PRMT8: variants seen among roughly 807,000 people sequenced by gnomAD.
PRMT8 encodes the protein protein arginine methyltransferase 8.
A neutral mutation model predicts 47.1 loss-of-function variants in PRMT8; 7 were observed. The ratio of observed to expected loss-of-function variants is 0.15; its 90% confidence interval spans 0.08 to 0.28. The LOEUF is 0.28. PRMT8 is among the 10% of genes least tolerant of loss of function. The pLI, the probability that PRMT8 is intolerant of heterozygous loss-of-function variation, is 1.00. For synonymous variants in PRMT8, 188 were observed against 186.5 expected (o/e 1.01, Z -0.07); for missense variants, 237 against 505.4 (o/e 0.47, Z 5.09).
At chr12:3,495,843 G>A (rs1219352689) in intron 1 of PRMT8, among the ~76,000 whole-genome samples, 1 of 152,160 alleles carries the variant, frequency 6.6e-6, no homozygotes, top group East Asian at 1.9e-4. Context: ...CTTAGTTGCT[G>A]TGAACCTTTG....
chr12:3,573,466 A>G (rs779699836), intron 6 of PRMT8, among the ~76,000 whole-genome samples: 1 of 152,202 alleles, frequency 6.6e-6, no homozygotes, highest in Non-Finnish European at 1.5e-5. Context: ...ACATCTGAGC[A>G]TCTCTAAATT....
At chr12:3,526,368 A>G (rs963779849) in intron 1 of PRMT8, among the ~76,000 whole-genome samples, 1 of 152,162 alleles carries the variant, frequency 6.6e-6, no homozygotes, top group East Asian at 1.9e-4. Context: ...AATTATTTTG[A>G]GTATATATCT....
chr12:3,577,104 GC>G, intron 7 of PRMT8, 118 bp downstream of exon 7: 1 of 814,766 alleles, frequency 1.2e-6, no homozygotes, highest in Non-Finnish European at 2.0e-6. Flanking sequence ...GGCTGCCTTG[GC>G]CAGAGCCTGT....
chr12:3,478,126 G>A (rs1865233432), intron 1 of PRMT8, among the ~76,000 whole-genome samples: 1 of 152,178 alleles, frequency 6.6e-6, no homozygotes, highest in East Asian at 1.9e-4. Context: ...GGACTTTGAG[G>A]ACAGGACAGG....
At chr12:3,534,488 G>C (rs904253840) in intron 1 of PRMT8, among the ~76,000 whole-genome samples, 2 of 152,120 alleles carry the variant, frequency 1.3e-5, no homozygotes, top group African/African-American at 4.8e-5. Context: ...TTCTCTTGGA[G>C]GTTCCAGTTC....
chr12:3,589,892 G>A (rs368177067), intron 8 of PRMT8, among the ~76,000 whole-genome samples: 1 of 152,202 alleles, frequency 6.6e-6, no homozygotes. Flanking sequence ...TTTGCCTGAA[G>A]GTCTTTAGGA....
At chr12:3,383,859 A>G (rs1864116410) in intron 1 of PRMT8, among the ~76,000 whole-genome samples, 1 of 152,066 alleles carries the variant, frequency 6.6e-6, no homozygotes, top group Non-Finnish European at 1.5e-5. Context: ...TGTATTTTTA[A>G]TTTTTGTGTC....
intron 1 of PRMT8, among the ~76,000 whole-genome samples, chr12:3,397,723 C>G (rs1299378995): frequency 6.6e-6 from 1 of 152,090 alleles, no homozygotes; most frequent in Non-Finnish European, 1.5e-5. Flanking sequence ...CCTCCTTGAG[C>G]TGTGGTGGGC....
intron 1 of PRMT8, among the ~76,000 whole-genome samples, chr12:3,418,604 A>C (rs1378269697): frequency 1.3e-5 from 2 of 152,212 alleles, no homozygotes; most frequent in Non-Finnish European, 2.9e-5. Context: ...TTGTGGCTTC[A>C]GGCCCACTCC....
At chr12:3,463,188 C>T (rs1252062157) in intron 1 of PRMT8, 5 of 152,110 alleles carry the variant, frequency 3.3e-5, no homozygotes, top group Non-Finnish European at 7.4e-5. Context: ...AGTAATTTGC[C>T]CGAGTCTCAC....
In PRMT8 at chr12:3,555,268, G is replaced by A. The variant is rs527992460; in HGVS notation, c.481+1554G>A. On this transcript the variant is annotated intron_variant, in intron 4 of 9. Transcript: ENST00000382622. ...TTGCAGATCACAAAGTCAGCTGACA[G>A]GACGGAGAGAGACCCCATGGCTGCG... Among the ~76,000 whole-genome samples the A allele has an allele frequency of 3.3e-5, 5 of 152,378 alleles. No individual in the cohort carries two copies. In the South Asian group the frequency reaches 8.3e-4, roughly 25 times the overall value.
intron 8 of PRMT8, among the ~76,000 whole-genome samples, chr12:3,587,330 A>G (rs1049324991): frequency 1.3e-5 from 2 of 150,776 alleles, no homozygotes; most frequent in Non-Finnish European, 3.0e-5. Flanking sequence ...ATTAATAAAT[A>G]CTAATAAATT....
In PRMT8 at chr12:3,541,197, G is replaced by T. The variant is rs11062712; in HGVS notation, c.261+406G>T. ...GCAAGGACCTTTCAGAGGTCATGAT[G>T]TGCATTCTTTTGACCAATGAGCACC... On this transcript the variant is annotated intron_variant, in intron 2 of 9. Transcript: ENST00000382622. Among the ~76,000 whole-genome samples the T allele has an allele frequency of 9.0e-3, 1,377 of 152,330 alleles. 13 individuals carry two copies. Among genetic ancestry groups the T allele is most frequent in the Non-Finnish European group, 0.015 (1,031 of 68,026 alleles).
At chr12:3,540,827 G>A in intron 2 of PRMT8, 36 bp downstream of exon 2, 1 of 1,584,124 alleles carries the variant, frequency 6.3e-7, no homozygotes, top group South Asian at 1.1e-5. Context: ...ATGGGGCGAG[G>A]CTGACTCTGC....
upstream of PRMT8, among the ~76,000 whole-genome samples, chr12:3,488,363 G>C (rs185074133): frequency 6.6e-6 from 1 of 152,238 alleles, no homozygotes; most frequent in African/African-American, 2.4e-5. Flanking sequence ...TTGTGTTGAA[G>C]ATCTAGTATA....
rs1334730297 is a variant in PRMT8 at position 3,552,632 on chromosome 12, G to A, written c.418-1019G>A. On this transcript the variant is annotated intron_variant, in intron 3 of 9. Coordinates refer to ENST00000382622, the MANE Select transcript of PRMT8 (RefSeq NM_019854.5). The surrounding 1 kb of genome is among the most constrained non-coding windows in gnomAD (Gnocchi z 4.5). ...CCCAGGAAAGGGCTGGTTCTCCTGG[G>A]ACCTGCACCCTGGCTGGAGTCGGCC... 1 of 432,052 alleles carries A rather than the reference G, an allele frequency of 2.3e-6. No individual in the cohort carries two copies. Among genetic ancestry groups the A allele is most frequent in the Non-Finnish European group, 4.7e-6 (1 of 212,922 alleles). 26.8% of individuals were successfully genotyped at this position (432,052 alleles called of 1,614,324 possible). A position where few individuals can be genotyped will look rare whatever the true frequency, so the allele number is the denominator to read the frequency against.
chr12:3,416,461 A>G (rs1256546563), intron 1 of PRMT8, among the ~76,000 whole-genome samples: 1 of 152,192 alleles, frequency 6.6e-6, no homozygotes, highest in Non-Finnish European at 1.5e-5. Flanking sequence ...TCAATTCTCC[A>G]TTTGGTGGCG....
intron 7 of PRMT8, 77 bp downstream of exon 7, chr12:3,577,063 G>A: frequency 1.6e-6 from 2 of 1,222,026 alleles, no homozygotes; most frequent in Non-Finnish European, 2.4e-6. Flanking sequence ...GGCAATGCCG[G>A]CTCCTGCACA....
At chr12:3,381,820 TC>T (rs1356431029) in intron 1 of PRMT8, among the ~76,000 whole-genome samples, 2 of 152,178 alleles carry the variant, frequency 1.3e-5, no homozygotes, top group African/African-American at 4.8e-5. Flanking sequence ...GAACATTCCA[TC>T]AGAGGATCCC....
Sources: allele counts gnomAD v4.1 joint callset (sites outside exome capture counted in the v4.1 genomes callset), GRCh38; gene constraint gnomAD v4.1.1; non-coding constraint Gnocchi (gnomAD v3.1); transcripts MANE v1.5; gene names NCBI Gene and HGNC (gene_info 2026-07-23, HGNC 2026-07-21).